Variants in ABCC12 observed in about 807,000 individuals in gnomAD.
ABCC12 encodes ATP binding cassette subfamily C member 12.
Under a neutral mutation model 151.1 loss-of-function variants are expected in ABCC12, and 142 were observed. That is an observed-to-expected ratio of 0.94 (90% CI 0.82 to 1.08). ABCC12 has a LOEUF of 1.08. Ranked by LOEUF, ABCC12 falls within the 50% of genes least tolerant of loss-of-function variation. The pLI is 0.00. For missense variants in ABCC12, 1,638 were observed against 1,691.1 expected (o/e 0.97, Z 0.55); for synonymous variants, 645 against 646.4 (o/e 1.00, Z 0.03).
intron 25 of ABCC12, 125 bp downstream of exon 25, chr16:48,090,995 G>A (rs981525752): frequency 2.2e-5 from 20 of 917,480 alleles, no homozygotes; most frequent in Middle Eastern, 4.5e-4. Flanking sequence ...ATAGGCGTAA[G>A]CCACCACGCC....
intron 29 of ABCC12, 127 bp downstream of exon 29, chr16:48,085,466 T>C: frequency 1.3e-6 from 1 of 784,268 alleles, no homozygotes; most frequent in African/African-American, 1.8e-5. Context: ...GAAAAAGTGA[T>C]CGGTTTTTAA....
intron 13 of ABCC12, among the ~76,000 whole-genome samples, chr16:48,117,638 C>T (rs1174636463): frequency 1.3e-5 from 2 of 152,168 alleles, no homozygotes; most frequent in African/African-American, 4.8e-5. Flanking sequence ...ACACTGAGGG[C>T]GCCACCTGCT....
intron 3 of ABCC12, among the ~76,000 whole-genome samples, chr16:48,145,361 A>T (rs1055687758): frequency 1.4e-4 from 21 of 152,228 alleles, no homozygotes; most frequent in Admixed American, 8.5e-4. Context: ...CTAATAATAT[A>T]TATAATAATA....
chr16:48,111,792 C>T lies in ABCC12; in HGVS notation c.2108G>A (p.Arg703Gln), dbSNP rs768035791. The T allele has an allele frequency of 3.7e-6, 6 of 1,614,174 alleles. No homozygotes were observed. Among genetic ancestry groups the T allele is most frequent in the Admixed American group, 1.7e-5 (1 of 60,026 alleles). The change falls in exon 16 of 31, where the codon CGA (arginine) becomes CAA (glutamine). Residue 703 changes from arginine to glutamine, a missense_variant. Coordinates refer to ENST00000311303, the MANE Select transcript of ABCC12 (RefSeq NM_001393797.1). ...GRYAKLIHNLRGLQFKDPEHL... is the reference protein window; with the variant it reads ...GRYAKLIHNLQGLQFKDPEHL... ...GTGAGTTACCTTGAACTGCAATCCT[C>T]GCAGGTTGTGAATCAGTTTTGCATA...
chr16:48,086,645 G>T, intron 28 of ABCC12, 96 bp downstream of exon 28: 1 of 1,046,640 alleles, frequency 9.6e-7, no homozygotes, highest in Non-Finnish European at 1.5e-6. Context: ...CTGGCTAAGT[G>T]CTGGCCTAGG....
chr16:48,116,406 T>C (rs1963885168), intron 14 of ABCC12, among the ~76,000 whole-genome samples: 1 of 152,046 alleles, frequency 6.6e-6, no homozygotes, highest in Non-Finnish European at 1.5e-5. Context: ...ATCAGTAGAG[T>C]ACTTTGTGGC....
Position 48,140,701 on chromosome 16 carries a change from T to C in ABCC12, c.643A>G (p.Ile215Val), listed in dbSNP as rs200708441. Residue 215 changes from isoleucine to valine, a missense_variant, in exon 6 of 31, where the codon ATC becomes GTC. By Grantham distance (29) the Ile-to-Val change is conservative. Coordinates refer to ENST00000311303, the MANE Select transcript of ABCC12 (RefSeq NM_001393797.1). ...NLVSFKTLTH[I>V]SVGEVLNILS... ...AGCCAGCTTACCTCGCCAACAGAGA[T>C]GTGGGTCAATGTCTTGAAGGACACT... 3 of 1,614,032 alleles carry C rather than the reference T, an allele frequency of 1.9e-6. No homozygotes were observed. The highest frequency in any genetic ancestry group is 3.3e-5 in the Admixed American group (2 of 60,012).
intron 23 of ABCC12, among the ~76,000 whole-genome samples, chr16:48,097,747 C>T (rs1963153759): frequency 6.6e-6 from 1 of 152,120 alleles, no homozygotes; most frequent in African/African-American, 2.4e-5. Flanking sequence ...AGCAAAGGGG[C>T]CTCCACATCA....
chr16:48,136,810 G>A (rs1034835713), intron 8 of ABCC12, among the ~76,000 whole-genome samples: 5 of 152,192 alleles, frequency 3.3e-5, no homozygotes, highest in African/African-American at 9.7e-5. Context: ...AGGCATGAAC[G>A]AGTGTGGCGT....
intron 13 of ABCC12, 83 bp downstream of exon 13, chr16:48,121,633 C>A: frequency 6.5e-7 from 1 of 1,533,596 alleles, no homozygotes. Flanking sequence ...ACCCACTTAG[C>A]AGTCATTACC....
In ABCC12 at chr16:48,084,008, G is replaced by C; in HGVS notation, c.3894C>G (p.Thr1298=). The C allele has an allele frequency of 6.2e-7, 1 of 1,612,772 alleles. No homozygotes were observed. The highest frequency in any genetic ancestry group is 8.5e-7 in the Non-Finnish European group (1 of 1,179,716). ...TGCAGCCCTTGAAGGCATCTTTGAT[G>C]GTGTTCTGAACCAGGGTGTCAGTCT... ...DSKTDTLVQN[T]IKDAFKGCTV... Residue 1298 remains threonine, a synonymous_variant, in exon 30 of 31, where the codon ACC becomes ACG. Transcript: ENST00000311303.
chr16:48,107,667 A>G (rs1440168292), intron 19 of ABCC12, among the ~76,000 whole-genome samples: 1 of 152,220 alleles, frequency 6.6e-6, no homozygotes, highest in Non-Finnish European at 1.5e-5. Flanking sequence ...AAAAACCACC[A>G]ATGTGCACTT....
chr16:48,141,419 T>C (rs1341670680), intron 4 of ABCC12, 66 bp from the exon 5 acceptor site: 2 of 1,586,906 alleles, frequency 1.3e-6, no homozygotes, highest in East Asian at 4.5e-5. Context: ...AGCTACGCTG[T>C]TGGGCATGCT....
At chr16:48,138,097 G>T in intron 8 of ABCC12, 131 bp downstream of exon 8, 1 of 943,730 alleles carries the variant, frequency 1.1e-6, no homozygotes, top group Non-Finnish European at 1.5e-6. Flanking sequence ...AAAATTCTTT[G>T]ACCTGCAGAG....
At chr16:48,093,669 G>T (rs1962992018) in intron 24 of ABCC12, among the ~76,000 whole-genome samples, 1 of 152,192 alleles carries the variant, frequency 6.6e-6, no homozygotes, top group Non-Finnish European at 1.5e-5. Flanking sequence ...CTCATGGTGG[G>T]TGCTCAGGGG....
chr16:48,122,625 C>CA (rs1964110103), intron 12 of ABCC12, among the ~76,000 whole-genome samples: 1 of 152,074 alleles, frequency 6.6e-6, no homozygotes, highest in South Asian at 2.1e-4. Flanking sequence ...GCAGTGGGTC[C>CA]AGGGGCAAAG....
intron 20 of ABCC12, among the ~76,000 whole-genome samples, chr16:48,106,889 T>C (rs1963511739): frequency 6.6e-6 from 1 of 152,228 alleles, no homozygotes; most frequent in East Asian, 1.9e-4. Flanking sequence ...ATCCTGTTCA[T>C]GCAGAGACAA....
At chr16:48,088,389 C>T (rs1016802841) in intron 26 of ABCC12, among the ~76,000 whole-genome samples, 156 bp downstream of exon 26, 3 of 152,220 alleles carry the variant, frequency 2.0e-5, no homozygotes, top group Non-Finnish European at 4.4e-5. Flanking sequence ...CACACCCATT[C>T]AACCTGAAAT....
rs539934331 is a variant in ABCC12 at position 48,117,694 on chromosome 16, G to A, written c.1713-361C>T. ...GGAGGGGTCACCCTTGGGGGCTGCA[G>A]TTACTGGGGATGGCCTCCTGGGGGT... is the stretch of plus-strand genomic sequence containing the variant. On this transcript the variant is annotated intron_variant, in intron 13 of 30. Transcript: ENST00000311303. Among the ~76,000 whole-genome samples, 30 of 152,308 alleles carry A rather than the reference G, an allele frequency of 2.0e-4. No individual in the cohort carries two copies. In the East Asian group the frequency reaches 5.8e-3, roughly 29 times the overall value.
Sources: gnomAD v4.1 joint callset for allele counts (sites outside exome capture counted in the v4.1 genomes callset) on GRCh38, gnomAD v4.1.1 for gene constraint, MANE v1.5 for transcripts, NCBI Gene and HGNC (gene_info 2026-07-23, HGNC 2026-07-21) for gene names.